The following ZNF362 variants were observed in gnomAD, a reference collection of about 807,000 sequenced individuals.
The protein encoded by ZNF362 is rotund homolog.
A neutral mutation model predicts 42.9 loss-of-function variants in ZNF362; 11 were observed. That is an observed-to-expected ratio of 0.26 (90% CI 0.16 to 0.42). ZNF362 has a LOEUF of 0.42. Among genes scored for constraint, ZNF362 ranks in the 20% least tolerant of loss-of-function variants. The pLI is 1.00. For synonymous variants in ZNF362, 255 were observed against 257.3 expected (o/e 0.99, Z 0.09); for missense variants, 362 against 576.2 (o/e 0.63, Z 3.81).
At chr1:33,151,013 C>T in the ZNF362 span, among the ~76,000 whole-genome samples, 374 of 152,100 alleles carry the variant, frequency 2.5e-3, 2 homozygotes, top group Non-Finnish European at 4.5e-3. Context: ...AGGACTGGTG[C>T]GGGGCGGGGG....
the ZNF362 span, among the ~76,000 whole-genome samples, chr1:33,160,480 T>C: frequency 6.6e-6 from 1 of 152,050 alleles, no homozygotes; most frequent in Non-Finnish European, 1.5e-5. Context: ...TCTCGGATCA[T>C]TGCAACCTCC....
chr1:33,236,545 A>AT, the ZNF362 span, among the ~76,000 whole-genome samples: 4 of 66,906 alleles, frequency 6.0e-5, no homozygotes, highest in African/African-American at 2.2e-4. Flanking sequence ...AAAAAAAAAA[A>AT]AAAAAATATA....
Position 33,294,871 on chromosome 1 carries a change from T to C in ZNF362, c.909-66T>C. On this transcript the variant is annotated intron_variant, in intron 6 of 8. Transcript: ENST00000539719. This position sits in a 1 kb window ranked among gnomAD's most constrained non-coding sequence, Gnocchi z 4.2. ...GAGGCTTAGGGGCCAGAGTAAGGAC[T>C]TGGGAACTGGAGCGGTCTTGGGGTG... 6.3e-7 allele frequency: 1 copy of C among 1,580,008 alleles called. No individual in the cohort carries two copies. Among genetic ancestry groups the C allele is most frequent in the Non-Finnish European group, 8.7e-7 (1 of 1,150,122 alleles).
chr1:33,280,173 C>T lies in ZNF362; in HGVS notation c.399C>T (p.Ser133=). 1 of 1,609,492 alleles carries T rather than the reference C, an allele frequency of 6.2e-7. No homozygotes were observed. Among genetic ancestry groups the T allele is most frequent in the Non-Finnish European group, 8.5e-7 (1 of 1,177,426 alleles). ...RTPSVSTSES[S]AGAGTGTGTS... ...CGTCTGTGAGCACTTCTGAGTCAAG[C>T]GCGGGCGCGGGCACGGGCACGGGTA... Residue 133 remains serine (S), a synonymous_variant, in exon 5 of 9, where the codon AGC becomes AGT. Transcript: ENST00000539719. The surrounding 1 kb of genome is among the most constrained non-coding windows in gnomAD (Gnocchi z 5.6).
chr1:33,139,369 C>G, the ZNF362 span, among the ~76,000 whole-genome samples: 1 of 152,124 alleles, frequency 6.6e-6, no homozygotes. Flanking sequence ...CTCTCTGCAC[C>G]CAGCATGCAA....
the ZNF362 span, among the ~76,000 whole-genome samples, chr1:33,249,352 G>A: frequency 1.3e-5 from 2 of 152,222 alleles, no homozygotes; most frequent in South Asian, 2.1e-4. Context: ...GGGGATGAAA[G>A]GGTTGGCAAC....
chr1:33,187,452 AGAG>A, the ZNF362 span, among the ~76,000 whole-genome samples: 5 of 152,192 alleles, frequency 3.3e-5, no homozygotes, highest in Non-Finnish European at 5.9e-5. Flanking sequence ...TTACAAGAAG[AGAG>A]GAGAAGAAGG....
At chr1:33,238,152 A>G in the ZNF362 span, among the ~76,000 whole-genome samples, 31,697 of 151,574 alleles carry the variant, frequency 0.21, 3,560 homozygotes, top group South Asian at 0.29. Flanking sequence ...CCCTGTCTCT[A>G]CTGAAAATAC....
chr1:33,240,791 C>A, the ZNF362 span, among the ~76,000 whole-genome samples: 5 of 152,176 alleles, frequency 3.3e-5, no homozygotes, highest in Non-Finnish European at 7.4e-5. Context: ...AGAAACTGAT[C>A]CTGAGTACAA....
At chr1:33,219,342 G>T in the ZNF362 span, among the ~76,000 whole-genome samples, 1 of 152,210 alleles carries the variant, frequency 6.6e-6, no homozygotes, top group Non-Finnish European at 1.5e-5. Context: ...ACCTCTGCCC[G>T]CCATTCATTC....
chr1:33,290,165 T>C (rs1282018537), intron 6 of ZNF362, among the ~76,000 whole-genome samples: 1 of 152,170 alleles, frequency 6.6e-6, no homozygotes, highest in East Asian at 1.9e-4. Flanking sequence ...TACATATGTA[T>C]ACATGTGCCA....
chr1:33,146,664 C>G, the ZNF362 span: 2 of 165,084 alleles, frequency 1.2e-5, no homozygotes, highest in South Asian at 3.1e-4. Context: ...GAGAGGTTGG[C>G]TCTCAGGCAA....
chr1:33,250,303 C>T, the ZNF362 span, among the ~76,000 whole-genome samples: 2 of 152,086 alleles, frequency 1.3e-5, no homozygotes, highest in South Asian at 2.1e-4. Flanking sequence ...GTAGAAAGTG[C>T]ATGTGTTCAG....
chr1:33,153,463 C>G, the ZNF362 span, among the ~76,000 whole-genome samples: 2 of 152,210 alleles, frequency 1.3e-5, no homozygotes, highest in African/African-American at 4.8e-5. Flanking sequence ...TTGGTTGTTA[C>G]AACTGAGTGG....
the ZNF362 span, among the ~76,000 whole-genome samples, chr1:33,229,079 G>C: frequency 1.1e-4 from 17 of 151,556 alleles, no homozygotes; most frequent in East Asian, 3.1e-3. Context: ...TTCCGCCTCT[G>C]TTCAAATGTT....
At chr1:33,181,390 G>A in the ZNF362 span, 7 of 1,603,002 alleles carry the variant, frequency 4.4e-6, no homozygotes, top group South Asian at 5.6e-5. This position sits in a 1 kb window ranked among gnomAD's most constrained non-coding sequence, Gnocchi z 6.5. Context: ...TAGATGCTCA[G>A]GCAGATGGAG....
the ZNF362 span, among the ~76,000 whole-genome samples, chr1:33,174,302 C>T: frequency 2.6e-5 from 4 of 152,178 alleles, no homozygotes; most frequent in Non-Finnish European, 4.4e-5. Flanking sequence ...CCACCTCAGC[C>T]TCCCAAATAG....
At chr1:33,262,906 C>T (rs1380037064) in intron 1 of ZNF362, among the ~76,000 whole-genome samples, 1 of 152,326 alleles carries the variant, frequency 6.6e-6, no homozygotes, top group East Asian at 1.9e-4. Context: ...ACGGTATGCA[C>T]ATCACATAGG....
the ZNF362 span, among the ~76,000 whole-genome samples, chr1:33,216,744 A>C: frequency 1.3e-5 from 2 of 152,010 alleles, no homozygotes; most frequent in Non-Finnish European, 2.9e-5. Context: ...GAATATAATA[A>C]TAAATAGAAA....
Sources: gnomAD v4.1 joint callset for allele counts (sites outside exome capture counted in the v4.1 genomes callset) on GRCh38, gnomAD v4.1.1 for gene constraint, Gnocchi (gnomAD v3.1) non-coding constraint, MANE v1.5 for transcripts, NCBI Gene and HGNC (gene_info 2026-07-23, HGNC 2026-07-21) for gene names.